Variants in ZBTB4 observed in about 807,000 individuals in gnomAD.
ZBTB4 encodes the protein zinc finger and BTB domain containing 4.
Under a neutral mutation model 59.8 loss-of-function variants are expected in ZBTB4, and 14 were observed. That is an observed-to-expected ratio of 0.23 (90% CI 0.15 to 0.37). The LOEUF (loss-of-function observed/expected upper bound fraction) is 0.37, where lower values mean the gene tolerates loss of function less well. Among genes scored for constraint, ZBTB4 ranks in the 10% least tolerant of loss-of-function variants. The pLI is 1.00. For missense variants in ZBTB4, 1,198 were observed against 1,380.8 expected (o/e 0.87, Z 2.10); for synonymous variants, 587 against 575.2 (o/e 1.02, Z -0.29).
In ZBTB4 at chr17:7,466,526, CGAGGAAGAGGAG is replaced by C. The variant is rs1178906156; in HGVS notation, c.264_275del (p.Ser97_Ser100del). 3.5e-5 allele frequency: 56 copies of C among 1,610,500 alleles called. No individual in the cohort carries two copies. The highest frequency in any genetic ancestry group is 4.7e-5 in the Non-Finnish European group (55 of 1,178,590). ...CAGAGGAGGAAGAAGAGGAAGAAGACGAGGAAGAGGAGGAGGAGGAAGAGGCAGCTGTGGTGG... is the reference window on the plus strand; with the variant it reads ...CAGAGGAGGAAGAAGAGGAAGAAGACGAGGAGGAAGAGGCAGCTGTGGTGG... On this transcript the variant is annotated inframe_deletion, in exon 3 of 4. Transcript: ENST00000380599. The surrounding 1 kb of genome is among the most constrained non-coding windows in gnomAD (Gnocchi z 9.1).
intron 1 of ZBTB4, among the ~76,000 whole-genome samples, 197 bp from the exon 2 acceptor site, chr17:7,467,524 C>T (rs949339183): frequency 3.9e-5 from 6 of 152,170 alleles, no homozygotes; most frequent in South Asian, 2.1e-4. Context: ...CCAGTCAAAC[C>T]TGGGAGGTCA....
intron 1 of ZBTB4, among the ~76,000 whole-genome samples, chr17:7,468,097 G>A (rs545024205): frequency 3.3e-5 from 5 of 152,370 alleles, no homozygotes; most frequent in Admixed American, 1.3e-4. Flanking sequence ...AAGGCCAGGC[G>A]CGGGGGCTCA....
At chr17:7,467,678 G>A (rs140966608) in intron 1 of ZBTB4, among the ~76,000 whole-genome samples, 1 of 152,312 alleles carries the variant, frequency 6.6e-6, no homozygotes, top group East Asian at 1.9e-4. Flanking sequence ...GCACTCTCAA[G>A]TCCCTTTGGC....
Position 7,463,707 on chromosome 17 carries a change from C to A in ZBTB4, c.1275G>T (p.Arg425=), listed in dbSNP as rs531689977. Residue 425 remains arginine, a synonymous_variant, in exon 4 of 4, where the codon CGG becomes CGT. Coordinates refer to ENST00000380599, the MANE Select transcript of ZBTB4 (RefSeq NM_001128833.2). ...CTCCCTGGCTGTAGGTCTTGTAGGGCCGCTTGGCTGCCCGCATGGGGAGCA... is the reference window on the plus strand; with the variant it reads ...CTCCCTGGCTGTAGGTCTTGTAGGGACGCTTGGCTGCCCGCATGGGGAGCA... The part of the protein sequence containing the change: ...YRLLPMRAAK[R]PYKTYSQGAP... The A allele has an allele frequency of 1.1e-5, 17 of 1,613,836 alleles. No individual in the cohort carries two copies. The highest frequency in any genetic ancestry group is 1.4e-5 in the Non-Finnish European group (17 of 1,180,004).
Position 7,462,032 on chromosome 17 carries a change from G to T in ZBTB4, c.2950C>A (p.Pro984Thr), listed in dbSNP as rs777937100. The T allele has an allele frequency of 6.2e-7, 1 of 1,602,892 alleles. No homozygotes were observed. Among genetic ancestry groups the T allele is most frequent in the Admixed American group, 1.7e-5 (1 of 58,842 alleles). ...PQAAPPAPPTPPPPTLPPPIP... is the reference protein window; with the variant it reads ...PQAAPPAPPTTPPPTLPPPIP... ...GGTGGAGGAAGAGTTGGGGGAGGTG[G>T]TGTTGGTGGGGCAGGGGGTGCTGCT... The change falls in exon 4 of 4, where the codon CCA (proline) becomes ACA (threonine). Residue 984 changes from proline (P) to threonine (T), a missense_variant. Physicochemically the swap from Pro to Thr is conservative, Grantham distance 38 (BLOSUM62 -1). This residue lies in a region of ZBTB4 where 211 missense variants were observed against 236.1 expected (regional missense o/e 0.89). Transcript: ENST00000380599. This position sits in a 1 kb window ranked among gnomAD's most constrained non-coding sequence, Gnocchi z 7.5.
chr17:7,466,124 C>T lies in ZBTB4; in HGVS notation c.678G>A (p.Gln226=), dbSNP rs1414182888. ...GGAGGGGCCGCCGGGGCAGGGAGCA[C>T]TGCAAGTCAGGGGCCTGGGCCTCAG... ...DRAEAQAPDL[Q]CSLPRRPLPC... is the part of the protein sequence containing the mutation. The change falls in exon 3 of 4, where the codon CAG becomes CAA. Residue 226 remains glutamine (Q), a synonymous_variant. Coordinates refer to ENST00000380599, the MANE Select transcript of ZBTB4 (RefSeq NM_001128833.2). The surrounding 1 kb of genome is among the most constrained non-coding windows in gnomAD (Gnocchi z 9.1). The T allele has an allele frequency of 1.2e-6, 2 of 1,610,390 alleles. No homozygotes were observed. The highest frequency in any genetic ancestry group is 1.7e-6 in the Non-Finnish European group (2 of 1,178,242).
chr17:7,463,431 G>C lies in ZBTB4; in HGVS notation c.1551C>G (p.Pro517=). Residue 517 remains proline (P), a synonymous_variant, in exon 4 of 4, where the codon CCC becomes CCG. Transcript: ENST00000380599. The part of the protein sequence containing the change: ...VITYTAPPRP[P]KKREYPPPPP... ...GAGGAGGTGGGTATTCTCGTTTCTT[G>C]GGTGGCCTCGGGGGAGCAGTGTAAG... 6.4e-7 allele frequency: 1 copy of C among 1,560,726 alleles called. No individual in the cohort carries two copies. The highest frequency in any genetic ancestry group is 8.7e-7 in the Non-Finnish European group (1 of 1,153,540).
chr17:7,471,740 T>C (rs1428104729), intron 1 of ZBTB4, among the ~76,000 whole-genome samples: 2 of 152,208 alleles, frequency 1.3e-5, no homozygotes, highest in South Asian at 2.1e-4. Flanking sequence ...CAATTAATAG[T>C]TCCTACCTTG....
At chr17:7,475,281 C>G (rs1441259238) in intron 1 of ZBTB4, among the ~76,000 whole-genome samples, 1 of 150,388 alleles carries the variant, frequency 6.6e-6, no homozygotes, top group Non-Finnish European at 1.5e-5. Flanking sequence ...GCGGAGGTTG[C>G]AGTGAGCCAA....
Position 7,462,031 on chromosome 17 carries a change from G to A in ZBTB4, c.2951C>T (p.Pro984Leu), listed in dbSNP as rs756373753. Reference protein sequence around the residue: ...PQAAPPAPPTPPPPTLPPPIP... With the variant: ...PQAAPPAPPTLPPPTLPPPIP... ...TGGTGGAGGAAGAGTTGGGGGAGGTGGTGTTGGTGGGGCAGGGGGTGCTGC... is the reference window on the plus strand; with the variant it reads ...TGGTGGAGGAAGAGTTGGGGGAGGTAGTGTTGGTGGGGCAGGGGGTGCTGC... The change falls in exon 4 of 4, where the codon CCA (proline) becomes CTA (leucine). Residue 984 changes from proline (P) to leucine (L), a missense_variant. Physicochemically the swap from Pro to Leu is moderately conservative, Grantham distance 98 (BLOSUM62 -3). Transcript: ENST00000380599. The surrounding 1 kb of genome is among the most constrained non-coding windows in gnomAD (Gnocchi z 7.5). 3 of 1,602,648 alleles carry A rather than the reference G, an allele frequency of 1.9e-6. No individual in the cohort carries two copies. Among genetic ancestry groups the A allele is most frequent in the Non-Finnish European group, 2.6e-6 (3 of 1,174,016 alleles).
chr17:7,467,510 G>A (rs2070145104), intron 1 of ZBTB4, among the ~76,000 whole-genome samples, 183 bp from the exon 2 acceptor site: 1 of 152,234 alleles, frequency 6.6e-6, no homozygotes, highest in Non-Finnish European at 1.5e-5. Context: ...TTGTTTAGCT[G>A]TGTCCAGTCA....
At chr17:7,481,126 G>C (rs1439846113), upstream of ZBTB4, among the ~76,000 whole-genome samples, 4 of 146,674 alleles carry the variant, frequency 2.7e-5, no homozygotes, top group African/African-American at 7.6e-5. Flanking sequence ...ACGCACCACT[G>C]CACTCCAGCC....
At chr17:7,481,701 C>A (rs2070347238), upstream of ZBTB4, among the ~76,000 whole-genome samples, 1 of 152,190 alleles carries the variant, frequency 6.6e-6, no homozygotes, top group Non-Finnish European at 1.5e-5. Context: ...GGCTTCCTCC[C>A]CTTCCTCAAT....
At chr17:7,476,777 G>A (rs1368743204) in intron 1 of ZBTB4, among the ~76,000 whole-genome samples, 1 of 152,154 alleles carries the variant, frequency 6.6e-6, no homozygotes, top group Non-Finnish European at 1.5e-5. Context: ...CCCTCAGCTG[G>A]GGATCCCTGA....
At chr17:7,474,759 C>T (rs1169322920) in intron 1 of ZBTB4, among the ~76,000 whole-genome samples, 4 of 152,012 alleles carry the variant, frequency 2.6e-5, no homozygotes, top group African/African-American at 9.7e-5. Flanking sequence ...CACCTGTAAT[C>T]CCAGCACTTT....
At chr17:7,467,170 C>T (rs1364867606) in intron 2 of ZBTB4, 87 bp downstream of exon 2, 1 of 1,067,824 alleles carries the variant, frequency 9.4e-7, no homozygotes, top group Non-Finnish European at 1.1e-6. Flanking sequence ...CACAGAACTC[C>T]CCAGCCTAGA....
At chr17:7,467,410 C>A in intron 1 of ZBTB4, 83 bp from the exon 2 acceptor site, 1 of 314,294 alleles carries the variant, frequency 3.2e-6, no homozygotes, top group Non-Finnish European at 4.6e-6. Flanking sequence ...AGAGGAAAAG[C>A]CCCCAGGAAG....
upstream of ZBTB4, among the ~76,000 whole-genome samples, chr17:7,480,365 G>A (rs1356999909): frequency 2.0e-5 from 3 of 152,180 alleles, no homozygotes; most frequent in Non-Finnish European, 4.4e-5. Flanking sequence ...ACTCCTCCCT[G>A]GTGCTGGAAA....
rs370016616 is a variant in ZBTB4, at chr17:7,463,206, G to A, written c.1776C>T (p.Pro592=). 6 of 1,608,820 alleles carry A rather than the reference G, an allele frequency of 3.7e-6. No individual in the cohort carries two copies. The highest frequency in any genetic ancestry group is 1.7e-5 in the Admixed American group (1 of 59,694). Residue 592 remains proline (P), a synonymous_variant, in exon 4 of 4, where the codon CCC becomes CCT. Coordinates refer to ENST00000380599, the MANE Select transcript of ZBTB4 (RefSeq NM_001128833.2). ...GGPPTGAGRG[P]SQLQAPPPLC... ...GTGGAGGTGGAGCCTGCAGCTGAGA[G>A]GGGCCCCGGCCAGCCCCTGTGGGGG...
Sources: gnomAD v4.1 joint callset for allele counts (sites outside exome capture counted in the v4.1 genomes callset) on GRCh38, gnomAD v4.1.1 for gene constraint, gnomAD v4.1.1 regional missense constraint, Gnocchi (gnomAD v3.1) non-coding constraint, MANE v1.5 for transcripts, NCBI Gene and HGNC (gene_info 2026-07-23, HGNC 2026-07-21) for gene names.